The following GSE1 variants were observed in gnomAD, a reference collection of about 807,000 sequenced individuals.
GSE1 encodes the protein Gse1 coiled-coil protein, also known as genetic suppressor element 1.
A neutral mutation model predicts 112.6 loss-of-function variants in GSE1; 32 were observed. That is an observed-to-expected ratio of 0.28 (90% confidence interval 0.21 to 0.38). The LOEUF is 0.38. Among genes scored for constraint, GSE1 ranks in the 10% least tolerant of loss-of-function variants. The probability of loss-of-function intolerance (pLI) is 1.00; values close to 1 mark genes in which losing one functional copy is unlikely to be tolerated. For synonymous variants in GSE1, 1,115 were observed against 735.6 expected (o/e 1.52, Z -8.35); for missense variants, 2,348 against 1,699.2 (o/e 1.38, Z -6.71).
At chr16:85,423,191 G>T (rs992628920) in intron 2 of GSE1, among the ~76,000 whole-genome samples, 2 of 152,242 alleles carry the variant, frequency 1.3e-5, no homozygotes, top group Non-Finnish European at 2.9e-5. Flanking sequence ...GAAATGGTCA[G>T]GGGAACCCTT....
chr16:85,535,258 T>G (rs573789895), intron 2 of GSE1, among the ~76,000 whole-genome samples: 1 of 152,324 alleles, frequency 6.6e-6, no homozygotes, highest in East Asian at 1.9e-4. Context: ...AGCAGCCAGT[T>G]CAGAGCCACA....
intron 1 of GSE1, among the ~76,000 whole-genome samples, chr16:85,597,731 A>G (rs1001405760): frequency 4.6e-5 from 7 of 152,174 alleles, no homozygotes; most frequent in African/African-American, 1.7e-4. Context: ...TTGGCCTCCC[A>G]AAGTGCTGGG....
rs1393738260 is a variant in GSE1, at chr16:85,671,105, T to G, written c.3519+7T>G. On this transcript the variant is annotated splice_region_variant and intron_variant, in intron 15 of 15. Transcript: ENST00000253458. ...GCTCTCCCACAGCGTGGCGGTGAGT[T>G]GGGAAGGGATGGAAACCTTCAAACA... The G allele has an allele frequency of 1.3e-6, 2 of 1,521,674 alleles. No homozygotes were observed. The highest frequency in any genetic ancestry group is 3.4e-5 in the Admixed American group (2 of 59,230). 94.3% of individuals were successfully genotyped at this position (1,521,674 alleles called of 1,614,324 possible).
chr16:85,422,185 G>A (rs2048861131), intron 2 of GSE1, among the ~76,000 whole-genome samples: 1 of 152,040 alleles, frequency 6.6e-6, no homozygotes, highest in Admixed American at 6.5e-5. Context: ...GTCCCTGGCT[G>A]GGCTGCAGCC....
At chr16:85,653,998 G>C (rs1279073158) in intron 3 of GSE1, among the ~76,000 whole-genome samples, 11 of 152,122 alleles carry the variant, frequency 7.2e-5, no homozygotes, top group Non-Finnish European at 1.5e-4. Flanking sequence ...TTGTGTTTCT[G>C]GGGGGTTCTA....
At chr16:85,555,517 G>C, upstream of GSE1, 7 of 984,654 alleles carry the variant, frequency 7.1e-6, no homozygotes, top group Non-Finnish European at 7.2e-6. Context: ...TCTCCCCCTC[G>C]GTACTTCTTG....
chr16:85,663,905 C>T (rs539375313), intron 11 of GSE1, among the ~76,000 whole-genome samples: 2 of 152,390 alleles, frequency 1.3e-5, no homozygotes, highest in Admixed American at 6.5e-5. Context: ...CCGAGTGCTC[C>T]AGTGACCACC....
intron 1 of GSE1, among the ~76,000 whole-genome samples, chr16:85,269,492 C>T (rs988135365): frequency 6.7e-6 from 1 of 148,864 alleles, no homozygotes; most frequent in Non-Finnish European, 1.5e-5. Context: ...TTGTGTTCTA[C>T]GGAGGTAACA....
At chr16:85,287,373 T>A (rs1407681161) in intron 1 of GSE1, among the ~76,000 whole-genome samples, 1 of 152,086 alleles carries the variant, frequency 6.6e-6, no homozygotes. Context: ...TGGGACCTCA[T>A]GGGAGACCTC....
chr16:85,238,005 G>C (rs766797018), intron 1 of GSE1, among the ~76,000 whole-genome samples: 2 of 152,200 alleles, frequency 1.3e-5, no homozygotes, highest in African/African-American at 2.4e-5. Context: ...ATGAGTGAAG[G>C]GTTCTGAGGG....
chr16:85,666,629 G>A (rs1331220902), intron 13 of GSE1: 7 of 443,718 alleles, frequency 1.6e-5, no homozygotes, highest in South Asian at 7.9e-5. Flanking sequence ...AGGAGTGAAC[G>A]CCGACAGGCA....
chr16:85,235,427 A>ACT (rs1555544651), intron 1 of GSE1, among the ~76,000 whole-genome samples: 1,809 of 64,948 alleles, frequency 0.028, 29 homozygotes, highest in Middle Eastern at 0.073. Flanking sequence ...ATGGAAGGGT[A>ACT]CTGTGTGTGT....
intron 2 of GSE1, among the ~76,000 whole-genome samples, chr16:85,366,113 C>T (rs1352405955): frequency 1.3e-5 from 2 of 152,284 alleles, no homozygotes; most frequent in Non-Finnish European, 2.9e-5. Context: ...GGGCCTCCAC[C>T]GCCGGGAAGG....
At chr16:85,654,760 C>T (rs1356802135) in intron 4 of GSE1, 34 bp from the exon 5 acceptor site, 2 of 1,409,732 alleles carry the variant, frequency 1.4e-6, no homozygotes, top group Non-Finnish European at 2.0e-6. Flanking sequence ...GTGCACTCAC[C>T]TGTCCCCACC....
At chr16:85,514,731 G>A (rs973509935) in intron 2 of GSE1, among the ~76,000 whole-genome samples, 2 of 152,244 alleles carry the variant, frequency 1.3e-5, no homozygotes, top group South Asian at 4.2e-4. Flanking sequence ...TCCAGGCCCC[G>A]AGTGCCTGCT....
rs577615912 is a variant in GSE1, at chr16:85,590,184, CACTG to C, written c.37+33823_37+33826del. The stretch of plus-strand genomic sequence containing the variant: ...TGAATGTGTGTGACATTGTGTATGT[CACTG>C]AATGAATGTGTGTGATTGTGTGAAC... On this transcript the variant is annotated intron_variant, in intron 1 of 2. Transcript: ENST00000635906. 1.6e-4 allele frequency among the ~76,000 whole-genome samples: 24 copies of C among 151,516 alleles called. 2 individuals are homozygous for C. In the East Asian group the frequency reaches 4.1e-3, roughly 26 times the overall value.
chr16:85,238,581 C>A (rs751737732), intron 1 of GSE1, among the ~76,000 whole-genome samples: 11 of 152,292 alleles, frequency 7.2e-5, no homozygotes, highest in Non-Finnish European at 1.5e-4. Flanking sequence ...GCTCTGCCCC[C>A]ACTGGGGCCG....
At chr16:85,251,837 C>G (rs146634846) in intron 1 of GSE1, among the ~76,000 whole-genome samples, 41 of 152,230 alleles carry the variant, frequency 2.7e-4, no homozygotes, top group African/African-American at 9.9e-4. Flanking sequence ...GGGCTGCACA[C>G]AACCGCTGGG....
intron 1 of GSE1, chr16:85,207,760 C>T (rs906192298): frequency 7.9e-5 from 12 of 152,304 alleles, no homozygotes; most frequent in African/African-American, 2.7e-4. Context: ...ACTTGACAGC[C>T]GACCTCTCTG....
Sources: allele counts gnomAD v4.1 joint callset (sites outside exome capture counted in the v4.1 genomes callset), GRCh38; gene constraint gnomAD v4.1.1; transcripts MANE v1.5; gene names NCBI Gene and HGNC (gene_info 2026-07-23, HGNC 2026-07-21).